Variants in KCNB2 observed in about 807,000 individuals in gnomAD.
KCNB2 encodes potassium voltage-gated channel subfamily B member 2.
KCNB2 carries 15 observed loss-of-function variants against 61.5 expected under a neutral mutation model. The observed-to-expected ratio is 0.24, with a 90% CI of 0.16 to 0.38. The LOEUF (loss-of-function observed/expected upper bound fraction) is 0.38. KCNB2 is among the 10% of genes least tolerant of loss of function. The pLI, the probability that KCNB2 is intolerant of heterozygous loss-of-function variation, is 1.00. For missense variants in KCNB2, 828 were observed against 1,125.2 expected, an observed-to-expected ratio of 0.74 and a Z score of 3.78; for synonymous variants, 457 against 446.0, an observed-to-expected ratio of 1.02 and a Z score of -0.31.
chr8:72,665,449 C>T (rs1333827993), intron 2 of KCNB2, among the ~76,000 whole-genome samples: 1 of 151,816 alleles, frequency 6.6e-6, no homozygotes, highest in African/African-American at 2.4e-5. Context: ...CCCTCCTATC[C>T]CCATTTAAAA....
intron 2 of KCNB2, among the ~76,000 whole-genome samples, chr8:72,649,035 T>C (rs1806174756): frequency 6.6e-6 from 1 of 152,182 alleles, no homozygotes; most frequent in Non-Finnish European, 1.5e-5. Flanking sequence ...TACAAAACCA[T>C]GCCTTCTGTG....
At chr8:72,693,797 C>A (rs1806976435) in intron 2 of KCNB2, among the ~76,000 whole-genome samples, 1 of 152,122 alleles carries the variant, frequency 6.6e-6, no homozygotes, top group South Asian at 2.1e-4. Context: ...TACCAATATT[C>A]CTTGTCTCTG....
intron 2 of KCNB2, among the ~76,000 whole-genome samples, chr8:72,797,925 C>T (rs140113659): frequency 0.016 from 2,378 of 152,248 alleles, 54 homozygotes; most frequent in Non-Finnish European, 0.015. Flanking sequence ...AATTTTATAT[C>T]TGTGTCTAAC....
Position 72,929,920 on chromosome 8 carries a change from G to A in KCNB2, c.580-6015G>A, listed in dbSNP as rs563789524. 2.6e-5 allele frequency among the ~76,000 whole-genome samples: 4 copies of A among 151,100 alleles called. No individual in the cohort carries two copies. In the South Asian group the frequency reaches 8.4e-4, roughly 32 times the overall value. On this transcript the variant is annotated intron_variant, in intron 2 of 2. Coordinates refer to ENST00000523207, the MANE Select transcript of KCNB2 (RefSeq NM_004770.3). ...ACCCATTAACTCGTCATTTACATTA[G>A]GTATATCTCCTAATGGTATCCCTCC... is the stretch of plus-strand genomic sequence containing the variant.
intron 2 of KCNB2, among the ~76,000 whole-genome samples, chr8:72,776,618 C>T (rs1344831380): frequency 6.6e-6 from 1 of 152,160 alleles, no homozygotes; most frequent in Non-Finnish European, 1.5e-5. Context: ...AACAAGTCTC[C>T]TTTACACACA....
chr8:72,603,032 A>C (rs1805378828), intron 2 of KCNB2, among the ~76,000 whole-genome samples: 1 of 152,022 alleles, frequency 6.6e-6, no homozygotes, highest in African/African-American at 2.4e-5. Context: ...TTCTACAGCC[A>C]GTGAAATTAT....
Position 72,758,231 on chromosome 8 carries a change from A to G in KCNB2, c.580-177704A>G, listed in dbSNP as rs138064510. Among the ~76,000 whole-genome samples the G allele has an allele frequency of 3.3e-5, 5 of 152,340 alleles. No homozygotes were observed. In the East Asian group the frequency reaches 9.7e-4, roughly 29 times the overall value. ...TCGAAAAGGAAGTTGACCAAGGACAAATAAAAGAGTGGTCCAGCTGAAATT... is the reference window on the plus strand; with the variant it reads ...TCGAAAAGGAAGTTGACCAAGGACAGATAAAAGAGTGGTCCAGCTGAAATT... On this transcript the variant is annotated intron_variant, in intron 2 of 2. Coordinates refer to ENST00000523207, the MANE Select transcript of KCNB2 (RefSeq NM_004770.3).
intron 2 of KCNB2, among the ~76,000 whole-genome samples, chr8:72,665,835 A>G (rs1806461605): frequency 1.3e-5 from 2 of 152,262 alleles, no homozygotes; most frequent in South Asian, 4.1e-4. Context: ...AAAACAGACT[A>G]GCTGCCTCCC....
intron 2 of KCNB2, among the ~76,000 whole-genome samples, chr8:72,846,949 C>T (rs1049373144): frequency 6.6e-6 from 1 of 152,188 alleles, no homozygotes; most frequent in Admixed American, 6.5e-5. Context: ...CTATAAAACA[C>T]ATGCACATGT....
At chr8:72,619,752 A>C (rs1008017591) in intron 2 of KCNB2, among the ~76,000 whole-genome samples, 4 of 152,210 alleles carry the variant, frequency 2.6e-5, no homozygotes, top group Admixed American at 2.0e-4. Context: ...AATATTTCAC[A>C]GTGTACAGAC....
At chr8:72,706,603 C>T (rs1196257855) in intron 2 of KCNB2, among the ~76,000 whole-genome samples, 1 of 152,114 alleles carries the variant, frequency 6.6e-6, no homozygotes, top group Non-Finnish European at 1.5e-5. Context: ...TTTCTGGAGT[C>T]TTATTGTTTC....
intron 2 of KCNB2, among the ~76,000 whole-genome samples, chr8:72,649,319 A>G (rs2128986288): frequency 6.6e-6 from 1 of 152,244 alleles, no homozygotes; most frequent in South Asian, 2.1e-4. Context: ...CCTCCCATTC[A>G]CTTAAAGGAT....
chr8:72,571,116 C>G (rs1459836570), intron 2 of KCNB2, among the ~76,000 whole-genome samples: 1 of 152,148 alleles, frequency 6.6e-6, no homozygotes, highest in African/African-American at 2.4e-5. Flanking sequence ...GAAGGAAAAA[C>G]TTGACCCTCT....
At chr8:72,631,851 T>C (rs1490595875) in intron 2 of KCNB2, among the ~76,000 whole-genome samples, 1 of 152,152 alleles carries the variant, frequency 6.6e-6, no homozygotes. Flanking sequence ...CTTGTTCAAA[T>C]GCAGCATTAA....
intron 2 of KCNB2, among the ~76,000 whole-genome samples, chr8:72,829,500 G>A (rs1434878850): frequency 4.6e-5 from 7 of 152,272 alleles, no homozygotes; most frequent in South Asian, 2.1e-4. Flanking sequence ...TTGCACAGGC[G>A]TTCATAGTTC....
At chr8:72,847,708 G>T (rs1262194355) in intron 2 of KCNB2, among the ~76,000 whole-genome samples, 1 of 151,758 alleles carries the variant, frequency 6.6e-6, no homozygotes, top group Non-Finnish European at 1.5e-5. Flanking sequence ...TCAAACTGAA[G>T]AAAATGCAAA....
In KCNB2 at chr8:72,561,729, CT is replaced by C. The variant is rs1563523412; in HGVS notation, c.-93-5912del. ...TATATATATATATATATATATATAT[CT>C]ATATCTATATATATATGTATATATA... On this transcript the variant is annotated intron_variant, in intron 1 of 2. Coordinates refer to ENST00000523207, the MANE Select transcript of KCNB2 (RefSeq NM_004770.3). Among the ~76,000 whole-genome samples the C allele has an allele frequency of 1.9e-3, 38 of 20,392 alleles. 1 individual carries two copies. The highest frequency in any genetic ancestry group is 0.012 in the East Asian group (4 of 338). 13.4% of individuals were successfully genotyped at this position (20,392 alleles called of 152,430 possible).
intron 2 of KCNB2, among the ~76,000 whole-genome samples, chr8:72,714,887 C>A (rs1807400386): frequency 6.6e-6 from 1 of 152,060 alleles, no homozygotes; most frequent in Non-Finnish European, 1.5e-5. Context: ...AGAGTCAAGA[C>A]CCATCAGTGT....
chr8:72,863,747 T>G (rs1276758673), intron 2 of KCNB2, among the ~76,000 whole-genome samples: 1 of 152,240 alleles, frequency 6.6e-6, no homozygotes, highest in Non-Finnish European at 1.5e-5. Context: ...TGGTGGCTTA[T>G]GCCTATAATT....
Sources: allele counts gnomAD v4.1 joint callset (sites outside exome capture counted in the v4.1 genomes callset), GRCh38; gene constraint gnomAD v4.1.1; transcripts MANE v1.5; gene names NCBI Gene and HGNC (gene_info 2026-07-23, HGNC 2026-07-21).